Variants in ITGAM observed in about 807,000 individuals in gnomAD.
The protein encoded by ITGAM is integrin subunit alpha M, also known as integrin alpha-M.
ITGAM carries 79 observed loss-of-function variants against 137.5 expected under a neutral mutation model. That is an observed-to-expected ratio of 0.57 (90% CI 0.48 to 0.69). The LOEUF is 0.69. Ranked by LOEUF, ITGAM falls within the 30% of genes least tolerant of loss-of-function variation. The pLI is 0.00. For missense variants in ITGAM, 1,343 were observed against 1,483.5 expected, an observed-to-expected ratio of 0.91 and a Z score of 1.56; for synonymous variants, 583 against 592.3, an observed-to-expected ratio of 0.98 and a Z score of 0.23.
intron 2 of ITGAM, among the ~76,000 whole-genome samples, chr16:31,263,839 A>ATTTATTTG (rs2079732913): frequency 6.8e-6 from 1 of 147,796 alleles, no homozygotes; most frequent in African/African-American, 2.5e-5. Flanking sequence ...TTATTTATTT[A>ATTTATTTG]TTTATTTATT....
At chr16:31,282,456 C>T (rs1225480096) in intron 12 of ITGAM, among the ~76,000 whole-genome samples, 1 of 152,140 alleles carries the variant, frequency 6.6e-6, no homozygotes, top group Non-Finnish European at 1.5e-5. Flanking sequence ...TTGAATTTAT[C>T]GGTTTACCAT....
At chr16:31,330,201 C>T in intron 26 of ITGAM, 37 bp downstream of exon 26, 1 of 1,602,996 alleles carries the variant, frequency 6.2e-7, no homozygotes, top group Non-Finnish European at 8.5e-7. Flanking sequence ...CACACAGAGA[C>T]CCAGAGCGCT....
At chr16:31,327,572 C>A (rs1233420737) in intron 22 of ITGAM, among the ~76,000 whole-genome samples, 5 of 150,814 alleles carry the variant, frequency 3.3e-5, no homozygotes, top group African/African-American at 9.8e-5. Context: ...CCAGCCTGGG[C>A]AATAGAGTGA....
At chr16:31,298,087 G>A in intron 14 of ITGAM, 133 bp downstream of exon 14, 2 of 792,298 alleles carry the variant, frequency 2.5e-6, no homozygotes, top group South Asian at 1.6e-5. Flanking sequence ...ATAACATGTG[G>A]CTGGGCCTGG....
In ITGAM at chr16:31,287,510, T is replaced by C. The variant is rs182741846; in HGVS notation, c.1356+9401T>C. Among the ~76,000 whole-genome samples, 531 of 152,346 alleles carry C rather than the reference T, an allele frequency of 3.5e-3. 6 individuals are homozygous for C. Among genetic ancestry groups the C allele is most frequent in the African/African-American group, 0.012 (505 of 41,578 alleles). ...CTTCCAATCCATGAGCATGGAATAC[T>C]TTTCCGCTTATTTGTGTCGTCTCTG... On this transcript the variant is annotated intron_variant, in intron 12 of 29. Transcript: ENST00000544665.
In ITGAM at chr16:31,326,918, C is replaced by T. The variant is rs765792458; in HGVS notation, c.2691C>T (p.Leu897=). The change falls in exon 22 of 30, where the codon CTC becomes CTT. Residue 897 remains leucine (L), a synonymous_variant. Coordinates refer to ENST00000544665, the MANE Select transcript of ITGAM (RefSeq NM_000632.4). The part of the protein sequence containing the change: ...SKASLGNKLL[L]KANVTSENNM... Reference sequence around the variant, plus strand: ...CTTCCCTTGGAAACAAACTGCTCCTCAAGGCCAATGTGACCAGGTGCTCTC... The same window carrying T: ...CTTCCCTTGGAAACAAACTGCTCCTTAAGGCCAATGTGACCAGGTGCTCTC... 78 of 1,612,800 alleles carry T rather than the reference C, an allele frequency of 4.8e-5. No homozygotes were observed. Among genetic ancestry groups the T allele is most frequent in the Non-Finnish European group, 6.5e-5 (77 of 1,178,882 alleles).
At chr16:31,326,706 C>T (rs533704367) in intron 21 of ITGAM, 150 bp from the exon 22 acceptor site, 25 of 629,356 alleles carry the variant, frequency 4.0e-5, no homozygotes, top group South Asian at 2.9e-4. Flanking sequence ...TGTGAGCCAC[C>T]GCACCTGGCC....
rs781436381 is a variant in ITGAM at position 31,266,026 on chromosome 16, C to A, written c.310-4C>A. On this transcript the variant is annotated splice_region_variant and splice_polypyrimidine_tract_variant and intron_variant, in intron 4 of 29. Coordinates refer to ENST00000544665, the MANE Select transcript of ITGAM (RefSeq NM_000632.4). ...AGCCCCTTCCACTGGCTCCTGTCCC[C>A]TAGGCCTGTGGTCCCACCGTGCACC... 1.9e-6 allele frequency: 3 copies of A among 1,612,734 alleles called. No individual in the cohort carries two copies. Among genetic ancestry groups the A allele is most frequent in the Middle Eastern group, 3.3e-4 (2 of 6,080 alleles).
intron 5 of ITGAM, among the ~76,000 whole-genome samples, chr16:31,270,168 C>CTTTCCTTTCCTTTCCTTTCA: frequency 2.9e-5 from 1 of 35,012 alleles, no homozygotes; most frequent in South Asian, 4.0e-4. Context: ...CTTTCCTTTC[C>CTTTCCTTTCCTTTCCTTTCA]TTTCCTTTCC....
At position 31,330,103 on chromosome 16, in the gene ITGAM, C is replaced by A. The variant is rs41321249; in HGVS notation, c.2999C>A (p.Thr1000Asn). The change falls in exon 26 of 30, where the codon ACC (threonine) becomes AAC (asparagine). Residue 1000 changes from threonine (T) to asparagine (N), a missense_variant. Coordinates refer to ENST00000544665, the MANE Select transcript of ITGAM (RefSeq NM_000632.4). ...CAGAACCTCTCGAGTACGTGCCACA[C>A]CAAGGAGCGCTTGCCCTCTCACTCC... ...FSENLSSTCH[T>N]KERLPSHSDF... 17,434 of 1,613,756 alleles carry A rather than the reference C, an allele frequency of 0.011. 138 individuals are homozygous for A. The highest frequency in any genetic ancestry group is 0.013 in the Non-Finnish European group (15,167 of 1,179,746).
At chr16:31,292,080 A>C (rs2080092651) in intron 12 of ITGAM, among the ~76,000 whole-genome samples, 1 of 152,110 alleles carries the variant, frequency 6.6e-6, no homozygotes, top group African/African-American at 2.4e-5. Context: ...TTACATATTC[A>C]TAAAAAGGTA....
intron 14 of ITGAM, among the ~76,000 whole-genome samples, chr16:31,302,934 T>TTCTA (rs2080226106): frequency 1.8e-5 from 1 of 54,894 alleles, no homozygotes. Flanking sequence ...CTTTCTTTCT[T>TTCTA]TCTTTCTTTC....
At chr16:31,279,653 G>A (rs541851465) in intron 12 of ITGAM, among the ~76,000 whole-genome samples, 5 of 152,172 alleles carry the variant, frequency 3.3e-5, no homozygotes, top group Admixed American at 1.3e-4. Context: ...TTGTCAGATG[G>A]GTAGATTGTA....
At position 31,324,592 on chromosome 16, in the gene ITGAM, C is replaced by A. The variant is rs768625456; in HGVS notation, c.2157+39C>A. Reference sequence around the variant, plus strand: ...TGGCCAGACCCCTGGGTCTTCCAAGCATGGAGTGGGCTTGGGGAGCTGAGG... The same window carrying A: ...TGGCCAGACCCCTGGGTCTTCCAAGAATGGAGTGGGCTTGGGGAGCTGAGG... On this transcript the variant is annotated intron_variant, in intron 17 of 29. Transcript: ENST00000544665. This position sits in a 1 kb window ranked among gnomAD's most constrained non-coding sequence, Gnocchi z 4.5. 1.4e-5 allele frequency: 22 copies of A among 1,610,318 alleles called. No individual in the cohort carries two copies. The African/African-American group carries it at 2.8e-4, about 21-fold the overall frequency.
In ITGAM at chr16:31,328,159, G is replaced by T; in HGVS notation, c.2721G>T (p.Met907Ile). The T allele has an allele frequency of 6.2e-7, 1 of 1,613,810 alleles. No individual in the cohort carries two copies. Among genetic ancestry groups the T allele is most frequent in the Non-Finnish European group, 8.5e-7 (1 of 1,179,730 alleles). ...LKANVTSENN[M>I]PRTNKTEFQL... The stretch of plus-strand genomic sequence containing the variant: ...TCTTTCCCTCCAGTGAGAACAACAT[G>T]CCCAGAACCAACAAAACCGAATTCC... The change falls in exon 23 of 30, where the codon ATG (methionine) becomes ATT (isoleucine). Residue 907 changes from methionine (M) to isoleucine (I), a missense_variant. Transcript: ENST00000544665.
At chr16:31,313,476 G>A (rs1269518343) in intron 14 of ITGAM, among the ~76,000 whole-genome samples, 1 of 152,080 alleles carries the variant, frequency 6.6e-6, no homozygotes, top group Non-Finnish European at 1.5e-5. Context: ...AGAGTATGTG[G>A]TGTTTGCTTT....
intron 5 of ITGAM, among the ~76,000 whole-genome samples, chr16:31,270,722 TATATATATATATATATATATA>T (rs2079825897): frequency 9.3e-6 from 1 of 107,522 alleles, no homozygotes; most frequent in Non-Finnish European, 1.9e-5. Context: ...TATATATATA[TATATATATATATATATATATA>T]TGTTTTTAAC....
intron 12 of ITGAM, among the ~76,000 whole-genome samples, chr16:31,282,048 C>T (rs1283239115): frequency 6.6e-6 from 1 of 152,110 alleles, no homozygotes; most frequent in Non-Finnish European, 1.5e-5. Context: ...TTTCTTAATC[C>T]TGAGTTCTAG....
chr16:31,261,831 G>A (rs1217405852), intron 2 of ITGAM, 34 bp downstream of exon 2: 4 of 1,395,040 alleles, frequency 2.9e-6, no homozygotes, highest in Admixed American at 3.6e-5. Flanking sequence ...CTTTCTCAGT[G>A]CTTTCTCTCC....
Sources: gnomAD v4.1 joint callset for allele counts (sites outside exome capture counted in the v4.1 genomes callset) on GRCh38, gnomAD v4.1.1 for gene constraint, Gnocchi (gnomAD v3.1) non-coding constraint, MANE v1.5 for transcripts, NCBI Gene and HGNC (gene_info 2026-07-23, HGNC 2026-07-21) for gene names.